Variants in CAPN11 observed in about 807,000 individuals in gnomAD.
The protein encoded by CAPN11 is calpain-11.
In CAPN11, 108 loss-of-function variants were observed where a neutral mutation model predicts 105.3. The observed-to-expected ratio is 1.03, with a 90% confidence interval of 0.88 to 1.20. The LOEUF is 1.20. CAPN11 is among the 50% of genes most tolerant of loss of function. The pLI, the probability that CAPN11 is intolerant of heterozygous loss-of-function variation, is 0.00. For synonymous variants in CAPN11, 329 were observed against 344.5 expected, an observed-to-expected ratio of 0.96 and a Z score of 0.50; for missense variants, 883 against 924.8, an observed-to-expected ratio of 0.95 and a Z score of 0.59.
chr6:44,179,327 G>C (rs1022494360), intron 12 of CAPN11, among the ~76,000 whole-genome samples: 2 of 150,026 alleles, frequency 1.3e-5, no homozygotes, highest in African/African-American at 4.9e-5. Flanking sequence ...TTGAGACAGG[G>C]TCTCACTCTA....
chr6:44,181,394 G>GA lies in CAPN11; in HGVS notation c.1938+76dup. 3 of 1,181,378 alleles carry GA rather than the reference G, an allele frequency of 2.5e-6. No homozygotes were observed. The South Asian group carries it at 3.9e-5, about 15-fold the overall frequency. 73.2% of individuals were successfully genotyped at this position (1,181,378 alleles called of 1,614,324 possible). On this transcript the variant is annotated intron_variant, in intron 19 of 22. Transcript: ENST00000398776. ...TTAGGAGAGATGGAACTAATGAGGG[G>GA]AAGCTAGAACCCAAGCCCTAACCAC...
rs749360047 is a variant in CAPN11 at position 44,173,413 on chromosome 6, G to T, written c.831+27G>T. ...TAAGCAAAGCATGGTCCCACCTCAG[G>T]GCCTTTGCACCTGCTGTTGCTGTCA... On this transcript the variant is annotated intron_variant, in intron 7 of 22. Coordinates refer to ENST00000398776, the MANE Select transcript of CAPN11 (RefSeq NM_007058.4). 1.7e-5 allele frequency: 25 copies of T among 1,494,782 alleles called. No individual in the cohort carries two copies. The Admixed American group carries it at 4.7e-4, about 28-fold the overall frequency. The allele number at this position is 1,494,782 out of a possible 1,614,324, so 92.6% of individuals were successfully genotyped here.
In CAPN11 at chr6:44,181,428, ACACACC is replaced by A. The variant is rs1773138714; in HGVS notation, c.1938+111_1938+116del. On this transcript the variant is annotated intron_variant, in intron 19 of 22. Coordinates refer to ENST00000398776, the MANE Select transcript of CAPN11 (RefSeq NM_007058.4). Reference sequence around the variant, plus strand: ...ACCCAAGCCCTAACCACACACACACACACACCCAACCACACCACACTCACACACACA... The same window carrying A: ...ACCCAAGCCCTAACCACACACACACACAACCACACCACACTCACACACACA... 6.3e-6 allele frequency: 5 copies of A among 791,680 alleles called. 1 individual carries two copies. Among genetic ancestry groups the A allele is most frequent in the South Asian group, 3.1e-5 (2 of 63,702 alleles). The allele number at this position is 791,680 out of a possible 1,614,324, so 49.0% of individuals were successfully genotyped here. A position where few individuals can be genotyped will look rare whatever the true frequency, so the allele number is the denominator to read the frequency against.
In CAPN11 at chr6:44,176,169, C is replaced by T. The variant is rs79080242; in HGVS notation, c.915+18C>T. ...TTCAGGATGTGAGTCCTGAGAAATGCGCCCTACCCTGAGGACCCTGAGAAG... is the reference window on the plus strand; with the variant it reads ...TTCAGGATGTGAGTCCTGAGAAATGTGCCCTACCCTGAGGACCCTGAGAAG... On this transcript the variant is annotated intron_variant, in intron 8 of 22. Transcript: ENST00000398776. The T allele has an allele frequency of 0.071, 101,829 of 1,441,970 alleles. 3,610 individuals are homozygous for T. Among genetic ancestry groups the T allele is most frequent in the Middle Eastern group, 0.082 (451 of 5,522 alleles). The allele number at this position is 1,441,970 out of a possible 1,614,324, so 89.3% of individuals were successfully genotyped here. A position where few individuals can be genotyped will look rare whatever the true frequency, so the allele number is the denominator to read the frequency against.
At chr6:44,164,590 C>T (rs1188638487) in intron 1 of CAPN11, among the ~76,000 whole-genome samples, 1 of 152,170 alleles carries the variant, frequency 6.6e-6, no homozygotes, top group East Asian at 1.9e-4. Flanking sequence ...AAGTTCTGCG[C>T]GGACACCACA....
chr6:44,177,444 C>T (rs4711775), intron 12 of CAPN11, 24 bp downstream of exon 12: 328,130 of 1,590,826 alleles, frequency 0.21, 35,098 homozygotes, highest in Admixed American at 0.34. Flanking sequence ...TGGTCTCGCC[C>T]GCCACTCACT....
Position 44,158,870 on chromosome 6 carries a change from C to G in CAPN11, c.16+6C>G. On this transcript the variant is annotated splice_donor_region_variant and intron_variant, in intron 1 of 22. Coordinates refer to ENST00000398776, the MANE Select transcript of CAPN11 (RefSeq NM_007058.4). ...CAGCATGCTGTACTCCCCAGGTAGG[C>G]ACTCATGGGGCCTTGCCCCACTCCT... 1 of 1,551,272 alleles carries G rather than the reference C, an allele frequency of 6.4e-7. No individual in the cohort carries two copies. Among genetic ancestry groups the G allele is most frequent in the African/African-American group, 1.4e-5 (1 of 73,130 alleles).
At chr6:44,178,519 C>G (rs1772529589) in intron 12 of CAPN11, among the ~76,000 whole-genome samples, 1 of 152,054 alleles carries the variant, frequency 6.6e-6, no homozygotes. Flanking sequence ...GGCCCCTGTC[C>G]AGTCTCCAGG....
chr6:44,164,661 C>A (rs1769488898), intron 1 of CAPN11, among the ~76,000 whole-genome samples: 1 of 152,116 alleles, frequency 6.6e-6, no homozygotes, highest in African/African-American at 2.4e-5. Flanking sequence ...CAGGACTTTT[C>A]CCCGGTGGAC....
In CAPN11 at chr6:44,184,135, C is replaced by A; in HGVS notation, c.*203C>A. ...CCCACTCCCCCAGCTCAGAGGCTTTCTCTTTTTTCCCCAACCCGGCTTCTG... is the reference window on the plus strand; with the variant it reads ...CCCACTCCCCCAGCTCAGAGGCTTTATCTTTTTTCCCCAACCCGGCTTCTG... On this transcript the variant is annotated 3_prime_UTR_variant, in exon 23 of 23. Coordinates refer to ENST00000398776, the MANE Select transcript of CAPN11 (RefSeq NM_007058.4). 1 of 592,808 alleles carries A rather than the reference C, an allele frequency of 1.7e-6. No individual in the cohort carries two copies. The highest frequency in any genetic ancestry group is 2.1e-5 in the South Asian group (1 of 46,616). 36.7% of individuals were successfully genotyped at this position (592,808 alleles called of 1,614,324 possible).
At chr6:44,179,688 C>A (rs1294811076) in intron 13 of CAPN11, 58 bp downstream of exon 13, 3 of 1,569,224 alleles carry the variant, frequency 1.9e-6, no homozygotes, top group Middle Eastern at 1.7e-4. Flanking sequence ...CCACCCCTGG[C>A]TGCAAGTGGA....
intron 1 of CAPN11, among the ~76,000 whole-genome samples, chr6:44,160,267 C>A (rs1294289318): frequency 1.3e-5 from 2 of 152,170 alleles, no homozygotes; most frequent in Non-Finnish European, 2.9e-5. Flanking sequence ...TTCAAAACAC[C>A]ATGTCGTATA....
chr6:44,172,539 C>A, intron 5 of CAPN11, 119 bp downstream of exon 5: 1 of 620,632 alleles, frequency 1.6e-6, no homozygotes, highest in Non-Finnish European at 2.7e-6. Flanking sequence ...GGGTTTTGGA[C>A]TAATTATCAG....
In CAPN11 at chr6:44,170,935, G is replaced by A. The variant is rs547101389; in HGVS notation, c.409+960G>A. 4.5e-4 allele frequency among the ~76,000 whole-genome samples: 68 copies of A among 152,274 alleles called. No homozygotes were observed. The South Asian group carries it at 6.2e-3, about 14-fold the overall frequency. On this transcript the variant is annotated intron_variant, in intron 4 of 22. Transcript: ENST00000398776. The stretch of plus-strand genomic sequence containing the variant: ...GATAAAGCCAGGGTGGGCTTTCTCT[G>A]AGACTGAATTCTGTCCCCTTGGGGC...
intron 7 of CAPN11, among the ~76,000 whole-genome samples, chr6:44,174,772 G>T (rs1455164454): frequency 6.6e-6 from 1 of 151,874 alleles, no homozygotes; most frequent in African/African-American, 2.4e-5. Flanking sequence ...GGCACCTGCT[G>T]CCATGCATGG....
chr6:44,181,376 A>G (rs67257607), intron 19 of CAPN11, 56 bp downstream of exon 19: 516,098 of 1,277,390 alleles, frequency 0.4, 120,505 homozygotes, highest in Non-Finnish European at 0.46. Flanking sequence ...GTCTTAGGAG[A>G]GATGGAACTA....
chr6:44,172,984 G>A lies in CAPN11; in HGVS notation c.573G>A (p.Arg191=). The A allele has an allele frequency of 1.9e-6, 3 of 1,613,130 alleles. No individual in the cohort carries two copies. The highest frequency in any genetic ancestry group is 2.2e-5 in the East Asian group (1 of 44,876). Residue 191 remains arginine (R), a synonymous_variant, in exon 6 of 23, where the codon CGG becomes CGA. Transcript: ENST00000398776. ...GGGTGAACGTGGTGGTAGATGACCGGCTGCCCACAAAGAATGACAAGCTGG... is the reference window on the plus strand; with the variant it reads ...GGGTGAACGTGGTGGTAGATGACCGACTGCCCACAAAGAATGACAAGCTGG... ...GQWVNVVVDD[R]LPTKNDKLVF...
chr6:44,170,037 G>A (rs1770698614), intron 4 of CAPN11, 62 bp downstream of exon 4: 1 of 1,338,448 alleles, frequency 7.5e-7, no homozygotes, highest in Non-Finnish European at 1.1e-6. Context: ...GGGGTGCCAG[G>A]GTGTCTTTTG....
rs374124423 is a variant in CAPN11, at chr6:44,180,695, G to A, written c.1746+33G>A. On this transcript the variant is annotated intron_variant, in intron 16 of 22. Transcript: ENST00000398776. ...GGCCACGAGCGGAGGGCTGACAGGA[G>A]GGGGATGAGGGGCTGGAGGGGCCCG... 7 of 1,613,632 alleles carry A rather than the reference G, an allele frequency of 4.3e-6. No homozygotes were observed. The African/African-American group carries it at 6.7e-5, about 15-fold the overall frequency.
Sources: allele counts gnomAD v4.1 joint callset (sites outside exome capture counted in the v4.1 genomes callset), GRCh38; gene constraint gnomAD v4.1.1; transcripts MANE v1.5; gene names NCBI Gene and HGNC (gene_info 2026-07-23, HGNC 2026-07-21).